DNMT3A: variants seen among roughly 807,000 people sequenced by gnomAD.
DNMT3A encodes DNA (cytosine-5)-methyltransferase 3A.
In DNMT3A, 267 loss-of-function variants were observed where a neutral mutation model predicts 117.6. The observed-to-expected ratio is 2.27, with a 90% CI of 2.05 to 2.51. The LOEUF (loss-of-function observed/expected upper bound fraction) is 2.51, where lower values mean the gene tolerates loss of function less well. DNMT3A is among the 30% of genes most tolerant of loss of function. The pLI is 0.00. For missense variants in DNMT3A, 1,029 were observed against 1,260.2 expected (o/e 0.82, Z 2.78); for synonymous variants, 432 against 474.8 (o/e 0.91, Z 1.17).
At chr2:25,334,374 A>G (rs1253713582) in intron 1 of DNMT3A, among the ~76,000 whole-genome samples, 1 of 152,150 alleles carries the variant, frequency 6.6e-6, no homozygotes, top group Non-Finnish European at 1.5e-5. Flanking sequence ...GCAAGTTCCT[A>G]GACACCCCTT....
intron 3 of DNMT3A, among the ~76,000 whole-genome samples, chr2:25,283,827 G>A (rs967760879): frequency 2.0e-5 from 3 of 152,190 alleles, no homozygotes; most frequent in African/African-American, 7.2e-5. Flanking sequence ...CTGCGCAGTG[G>A]ACAAAGCTCC....
intron 1 of DNMT3A, among the ~76,000 whole-genome samples, chr2:25,325,954 A>G (rs1021052515): frequency 6.6e-6 from 1 of 152,262 alleles, no homozygotes; most frequent in South Asian, 2.1e-4. Flanking sequence ...TAAAAGAAGC[A>G]TGACCTGCTA....
At chr2:25,330,533 C>G (rs901289020) in intron 1 of DNMT3A, among the ~76,000 whole-genome samples, 19 of 152,264 alleles carry the variant, frequency 1.2e-4, no homozygotes, top group Admixed American at 1.2e-3. Context: ...CAAGGGCCAT[C>G]ATGTACGGCC....
chr2:25,318,856 C>T (rs1403548169), intron 1 of DNMT3A, among the ~76,000 whole-genome samples: 1 of 119,688 alleles, frequency 8.4e-6, no homozygotes, highest in East Asian at 2.1e-4. Context: ...CACCACCATG[C>T]CTGACTAATT....
rs1673695511 is a variant in DNMT3A at position 25,239,157 on chromosome 2, AAGTAGCGGGCCC to A, written c.2369_2380del (p.Arg790_Phe794delinsIle). The A allele has an allele frequency of 6.2e-7, 1 of 1,613,970 alleles. No homozygotes were observed. On this transcript the variant is annotated inframe_deletion, in exon 20 of 23. Transcript: ENST00000321117. The stretch of plus-strand genomic sequence containing the variant: ...GTTCATACCGGGAAGGTTACCCCAG[AAGTAGCGGGCCC>A]TGTGTGCAGCTGACACTTCTTTGGC...
chr2:25,287,737 C>G (rs1422664879), intron 3 of DNMT3A, among the ~76,000 whole-genome samples: 1 of 151,740 alleles, frequency 6.6e-6, no homozygotes, highest in Admixed American at 6.6e-5. Flanking sequence ...ACACCCCCGC[C>G]CCCAACAGAG....
In DNMT3A at chr2:25,337,144, G is replaced by A. The variant is rs1376980974; in HGVS notation, c.-178+4682C>T. Among the ~76,000 whole-genome samples, 2 of 152,172 alleles carry A rather than the reference G, an allele frequency of 1.3e-5. No homozygotes were observed. The highest frequency in any genetic ancestry group is 2.9e-5 in the Non-Finnish European group (2 of 68,038). ...AGAATAACGAGCTGAAACTACAGCG[G>A]GAGGGATTTCAGGTGGAAGCAAAAC... On this transcript the variant is annotated intron_variant, in intron 1 of 22. Coordinates refer to ENST00000321117, the MANE Select transcript of DNMT3A (RefSeq NM_022552.5). This position sits in a 1 kb window ranked among gnomAD's most constrained non-coding sequence, Gnocchi z 5.0.
intron 6 of DNMT3A, among the ~76,000 whole-genome samples, chr2:25,248,944 G>A (rs1257227640): frequency 2.0e-5 from 3 of 152,098 alleles, no homozygotes; most frequent in Non-Finnish European, 4.4e-5. Flanking sequence ...GTATTCATGT[G>A]CCATGTTGGT....
chr2:25,321,021 A>G (rs1306601836), intron 1 of DNMT3A, among the ~76,000 whole-genome samples: 1 of 151,990 alleles, frequency 6.6e-6, no homozygotes, highest in Non-Finnish European at 1.5e-5. Flanking sequence ...AATCCCAGCT[A>G]CTCGGGAAGG....
chr2:25,300,764 T>A (rs71418302), intron 2 of DNMT3A, among the ~76,000 whole-genome samples: 1,354 of 61,872 alleles, frequency 0.022, 46 homozygotes, highest in South Asian at 0.051. Flanking sequence ...TATATATATA[T>A]ATATAAATAA....
chr2:25,244,962 A>G (rs1189921517), intron 13 of DNMT3A, among the ~76,000 whole-genome samples: 1 of 152,086 alleles, frequency 6.6e-6, no homozygotes, highest in Non-Finnish European at 1.5e-5. Flanking sequence ...ACCCTGCTAC[A>G]CTCTGCCTGA....
intron 6 of DNMT3A, among the ~76,000 whole-genome samples, chr2:25,267,659 C>A (rs180775948): frequency 1.4e-3 from 209 of 152,246 alleles, no homozygotes; most frequent in African/African-American, 4.8e-3. Flanking sequence ...AAAATACTTT[C>A]TAAAAAATTA....
chr2:25,328,640 G>C (rs778191737), intron 1 of DNMT3A: 28 of 518,930 alleles, frequency 5.4e-5, no homozygotes, highest in Admixed American at 3.5e-4. Context: ...TGGAGGCAGA[G>C]AGGACTGTGT....
chr2:25,319,319 T>C (rs1038108171), intron 1 of DNMT3A, among the ~76,000 whole-genome samples: 3 of 151,956 alleles, frequency 2.0e-5, no homozygotes, highest in African/African-American at 7.2e-5. Context: ...CGGGGTCTTT[T>C]TTTTTTCTTA....
chr2:25,243,925 GCACCC>G lies in DNMT3A; in HGVS notation c.1904_1908del (p.Arg635ProfsTer5). 1 of 1,552,196 alleles carries G rather than the reference GCACCC, an allele frequency of 6.4e-7. No individual in the cohort carries two copies. The highest frequency in any genetic ancestry group is 8.7e-7 in the Non-Finnish European group (1 of 1,147,150). On this transcript the variant is annotated frameshift_variant, in exon 16 of 23. Coordinates refer to ENST00000321117, the MANE Select transcript of DNMT3A (RefSeq NM_022552.5). LOFTEE classifies it high-confidence loss of function. ...GTAGCGATTCCATCAAAGAGAGACA[GCACCC>G]GGATGGGCTTCCTCTTCTCAGCTGG...
chr2:25,328,679 C>T (rs1359711868), intron 1 of DNMT3A: 2 of 523,854 alleles, frequency 3.8e-6, no homozygotes, highest in African/African-American at 1.9e-5. Context: ...CTGCAACATC[C>T]CCAGCACAGT....
At chr2:25,235,591 C>A in intron 22 of DNMT3A, 116 bp downstream of exon 22, 2 of 794,542 alleles carry the variant, frequency 2.5e-6, no homozygotes, top group Non-Finnish European at 4.2e-6. Flanking sequence ...ATAAAACCCA[C>A]TGTTCCCAGG....
rs181337419 is a variant in DNMT3A at position 25,272,815 on chromosome 2, T to G, written c.639+2126A>C. On this transcript the variant is annotated intron_variant, in intron 6 of 22. Transcript: ENST00000321117. ...TTCTGCACTTTCTCTTTTTTTTTTT[T>G]TTTTGAGACGGAATTTTGCTCTGTT... Among the ~76,000 whole-genome samples the G allele has an allele frequency of 3.1e-3, 469 of 150,830 alleles. 3 individuals carry two copies. The highest frequency in any genetic ancestry group is 0.011 in the African/African-American group (457 of 41,068).
At chr2:25,325,148 G>GA (rs1464850707) in intron 1 of DNMT3A, among the ~76,000 whole-genome samples, 1 of 152,032 alleles carries the variant, frequency 6.6e-6, no homozygotes, top group African/African-American at 2.4e-5. Context: ...AGCGGGGGGG[G>GA]GATTTATACC....
Sources: gnomAD v4.1 joint callset for allele counts (sites outside exome capture counted in the v4.1 genomes callset) on GRCh38, gnomAD v4.1.1 for gene constraint, Gnocchi (gnomAD v3.1) non-coding constraint, MANE v1.5 for transcripts, NCBI Gene and HGNC (gene_info 2026-07-23, HGNC 2026-07-21) for gene names.